USP24: variants seen among roughly 807,000 people sequenced by gnomAD.
The protein encoded by USP24 is ubiquitin specific peptidase 24.
Under a neutral mutation model 361.6 loss-of-function variants are expected in USP24, and 97 were observed. That is an observed-to-expected ratio of 0.27 (90% CI 0.23 to 0.32). The LOEUF (loss-of-function observed/expected upper bound fraction) is 0.32. Ranked by LOEUF, USP24 falls within the 10% of genes least tolerant of loss-of-function variation. USP24 has a pLI of 1.00. For missense variants in USP24, 2,353 were observed against 3,165.6 expected (o/e 0.74, Z 6.16); for synonymous variants, 1,098 against 1,124.6 (o/e 0.98, Z 0.47).
At chr1:55,092,292 T>C (rs1419630683) in intron 53 of USP24, among the ~76,000 whole-genome samples, 166 bp from the exon 54 acceptor site, 1 of 152,230 alleles carries the variant, frequency 6.6e-6, no homozygotes, top group Non-Finnish European at 1.5e-5. Context: ...TATAAAAAAA[T>C]GTTCCATTTA....
intron 1 of USP24, among the ~76,000 whole-genome samples, chr1:55,186,210 T>C (rs935530007): frequency 6.6e-6 from 1 of 152,182 alleles, no homozygotes; most frequent in East Asian, 1.9e-4. Flanking sequence ...AGTATTACCC[T>C]GATATTAAAA....
At chr1:55,158,367 T>C (rs1475071409) in intron 10 of USP24, among the ~76,000 whole-genome samples, 3 of 152,116 alleles carry the variant, frequency 2.0e-5, no homozygotes, top group Non-Finnish European at 2.9e-5. Flanking sequence ...AAGGAAAAAA[T>C]AAGTGAATTA....
At chr1:55,142,914 A>G in intron 22 of USP24, 65 bp downstream of exon 22, 1 of 1,431,066 alleles carries the variant, frequency 7.0e-7, no homozygotes, top group Non-Finnish European at 9.4e-7. Context: ...ACAGCTTATC[A>G]CTAAAATATA....
At chr1:55,151,500 T>C (rs1177565993) in intron 16 of USP24, among the ~76,000 whole-genome samples, 1 of 152,150 alleles carries the variant, frequency 6.6e-6, no homozygotes, top group Non-Finnish European at 1.5e-5. Flanking sequence ...AAACCAACAT[T>C]TGCTAAAAGC....
At chr1:55,104,582 T>C (rs1003823757) in intron 41 of USP24, among the ~76,000 whole-genome samples, 9 of 152,236 alleles carry the variant, frequency 5.9e-5, no homozygotes, top group African/African-American at 9.6e-5. Flanking sequence ...GCCTGCCTGG[T>C]AGTATAAACC....
rs1012301248 is a variant in USP24, at chr1:55,148,573, A to G, written c.1861-3T>C. The G allele has an allele frequency of 2.6e-6, 4 of 1,544,722 alleles. No individual in the cohort carries two copies. The Admixed American group carries it at 6.1e-5, about 24-fold the overall frequency. On this transcript the variant is annotated splice_polypyrimidine_tract_variant and splice_region_variant and intron_variant, in intron 16 of 67. Coordinates refer to ENST00000294383, the MANE Select transcript of USP24 (RefSeq NM_015306.3). ...TGGGGATTATTAAGCTGAGATGACT[A>G]GAGTTAAAAAGAAGTTACATTAATT...
chr1:55,193,827 A>C lies in USP24; in HGVS notation c.325-15695T>G, dbSNP rs562870932. On this transcript the variant is annotated intron_variant, in intron 1 of 67. Coordinates refer to ENST00000294383, the MANE Select transcript of USP24 (RefSeq NM_015306.3). ...TACATGAGCAAACAAACTGAGGCTC[A>C]CATAAGGCAAAGTTACTCACCAGAA... 2.6e-5 allele frequency among the ~76,000 whole-genome samples: 4 copies of C among 152,304 alleles called. No homozygotes were observed. In the South Asian group the frequency reaches 8.3e-4, roughly 32 times the overall value.
At chr1:55,142,828 T>C (rs1316089700) in intron 22 of USP24, 33 bp from the exon 23 acceptor site, 3 of 1,473,430 alleles carry the variant, frequency 2.0e-6, no homozygotes, top group Admixed American at 2.3e-5. Flanking sequence ...CAATTAGTCC[T>C]TGACATTTAG....
intron 38 of USP24, among the ~76,000 whole-genome samples, chr1:55,116,572 A>G (rs1000629962): frequency 5.9e-5 from 9 of 152,158 alleles, no homozygotes; most frequent in African/African-American, 2.2e-4. Flanking sequence ...GATGAAGTAG[A>G]CAAATTCCTA....
At position 55,082,901 on chromosome 1, in the gene USP24, T is replaced by G. The variant is rs549825234; in HGVS notation, c.6975+371A>C. ...AGTTTATAACAGCACAACTTTGCAT[T>G]TGGATTCTGGCTGTGTTTTCAGCAT... On this transcript the variant is annotated intron_variant, in intron 58 of 67. Coordinates refer to ENST00000294383, the MANE Select transcript of USP24 (RefSeq NM_015306.3). Among the ~76,000 whole-genome samples the G allele has an allele frequency of 4.0e-4, 61 of 152,258 alleles. No individual in the cohort carries two copies. In the Middle Eastern group the frequency reaches 0.014, roughly 34 times the overall value.
chr1:55,208,953 C>A (rs1488267146), intron 1 of USP24, among the ~76,000 whole-genome samples: 2 of 151,316 alleles, frequency 1.3e-5, no homozygotes, highest in Admixed American at 1.3e-4. Context: ...CAAAACAAAA[C>A]AAAAAAAACC....
At chr1:55,142,546 G>A (rs916637077) in intron 23 of USP24, among the ~76,000 whole-genome samples, 196 bp downstream of exon 23, 1 of 152,120 alleles carries the variant, frequency 6.6e-6, no homozygotes, top group Non-Finnish European at 1.5e-5. Flanking sequence ...TGGTGAGAGG[G>A]AGAAAGATTT....
intron 53 of USP24, 44 bp downstream of exon 53, chr1:55,092,777 A>G: frequency 7.3e-7 from 1 of 1,367,292 alleles, no homozygotes; most frequent in Non-Finnish European, 1.0e-6. Context: ...AGCATATTTA[A>G]TTGTAACCCT....
intron 21 of USP24, among the ~76,000 whole-genome samples, chr1:55,143,420 G>C (rs1039796111): frequency 6.6e-6 from 1 of 152,166 alleles, no homozygotes; most frequent in Non-Finnish European, 1.5e-5. Flanking sequence ...CAGAAATAGA[G>C]CAGGAGTGAG....
intron 54 of USP24, among the ~76,000 whole-genome samples, chr1:55,091,441 T>C (rs943053052): frequency 2.6e-5 from 4 of 152,190 alleles, no homozygotes; most frequent in Non-Finnish European, 4.4e-5. Flanking sequence ...GCTAAAAATA[T>C]TGGAGGCTGT....
rs546421888 is a variant in USP24, at chr1:55,074,212, A to G, written c.7448-306T>C. ...GAACAAAACTTTTTACTGCCTGATTATTCACCTAGAGACTTTTCCACATAT... is the reference window on the plus strand; with the variant it reads ...GAACAAAACTTTTTACTGCCTGATTGTTCACCTAGAGACTTTTCCACATAT... On this transcript the variant is annotated intron_variant, in intron 63 of 67. Transcript: ENST00000294383. Among the ~76,000 whole-genome samples, 12 of 152,130 alleles carry G rather than the reference A, an allele frequency of 7.9e-5. No homozygotes were observed. The South Asian group carries it at 2.5e-3, about 32-fold the overall frequency.
intron 3 of USP24, 61 bp from the exon 4 acceptor site, chr1:55,172,581 T>G: frequency 6.6e-7 from 1 of 1,508,378 alleles, no homozygotes; most frequent in Non-Finnish European, 8.9e-7. Flanking sequence ...AATCTACAGT[T>G]TATCAAGTCC....
intron 1 of USP24, among the ~76,000 whole-genome samples, chr1:55,190,765 G>A (rs1162103891): frequency 6.6e-6 from 1 of 152,160 alleles, no homozygotes; most frequent in African/African-American, 2.4e-5. Flanking sequence ...AGAAAAGGCT[G>A]GTGGATGCCA....
Position 55,123,564 on chromosome 1 carries a change from C to T in USP24, c.4159G>A (p.Ala1387Thr). The change falls in exon 36 of 68, where the codon GCC (alanine) becomes ACC (threonine). Residue 1387 changes from alanine to threonine, a missense_variant. Around this residue, in one of 8 missense-constraint regions of USP24, gnomAD observed 949 missense variants for 1,280.5 expected, o/e 0.74. Coordinates refer to ENST00000294383, the MANE Select transcript of USP24 (RefSeq NM_015306.3). ...CSSGSEGEPV[A>T]LHAGICVRQQ... Reference sequence around the variant, plus strand: ...CGAACACAGATTCCCGCATGCAGGGCTACTGGTTCTCCTTCACTTCCAGAG... The same window carrying T: ...CGAACACAGATTCCCGCATGCAGGGTTACTGGTTCTCCTTCACTTCCAGAG... The T allele has an allele frequency of 6.3e-7, 1 of 1,599,344 alleles. No homozygotes were observed. Among genetic ancestry groups the T allele is most frequent in the Non-Finnish European group, 8.5e-7 (1 of 1,172,804 alleles).
Sources: gnomAD v4.1 joint callset for allele counts (sites outside exome capture counted in the v4.1 genomes callset) on GRCh38, gnomAD v4.1.1 for gene constraint, gnomAD v4.1.1 regional missense constraint, MANE v1.5 for transcripts, NCBI Gene and HGNC (gene_info 2026-07-23, HGNC 2026-07-21) for gene names.